Variants in PTPRO observed in about 807,000 individuals in gnomAD.
PTPRO encodes the protein protein tyrosine phosphatase receptor type O.
Under a neutral mutation model 145.2 loss-of-function variants are expected in PTPRO, and 62 were observed. That is an observed-to-expected ratio of 0.43 (90% CI 0.35 to 0.53). The LOEUF (loss-of-function observed/expected upper bound fraction) is 0.53. Among genes scored for constraint, PTPRO ranks in the 20% least tolerant of loss-of-function variants. The probability of loss-of-function intolerance (pLI) is 0.01; values close to 1 mark genes in which losing one functional copy is unlikely to be tolerated. For missense variants in PTPRO, 1,345 were observed against 1,482.7 expected, an observed-to-expected ratio of 0.91 and a Z score of 1.53; for synonymous variants, 565 against 514.7, an observed-to-expected ratio of 1.10 and a Z score of -1.32.
rs1437351429 is a variant in PTPRO, at chr12:15,597,650, C to G, written c.*1577C>G. ...ACCTTGGCAGAGTTTCTTGCAAGAT[C>G]TGGCCAGTGAGTCTCAGTTTCACCT... On this transcript the variant is annotated 3_prime_UTR_variant, in exon 27 of 27. Transcript: ENST00000281171. Among the ~76,000 whole-genome samples, 2 of 152,182 alleles carry G rather than the reference C, an allele frequency of 1.3e-5. No homozygotes were observed. The highest frequency in any genetic ancestry group is 2.9e-5 in the Non-Finnish European group (2 of 68,026).
In PTPRO at chr12:15,337,749, C is replaced by T. The variant is rs539013126; in HGVS notation, c.75+14948C>T. On this transcript the variant is annotated intron_variant, in intron 1 of 26. Coordinates refer to ENST00000281171, the MANE Select transcript of PTPRO (RefSeq NM_030667.3). ...TTATTCAGCAATGAAAAGGAATGAA[C>T]CATTGATACACATAGCCACTTAAAT... Among the ~76,000 whole-genome samples the T allele has an allele frequency of 9.2e-5, 14 of 152,220 alleles. No individual in the cohort carries two copies. The East Asian group carries it at 2.5e-3, about 27-fold the overall frequency.
chr12:15,389,223 C>T (rs1939120244), intron 1 of PTPRO, among the ~76,000 whole-genome samples: 1 of 151,858 alleles, frequency 6.6e-6, no homozygotes, highest in African/African-American at 2.4e-5. Flanking sequence ...CCTGCCTCAG[C>T]CTCCCGAGTA....
intron 17 of PTPRO, among the ~76,000 whole-genome samples, chr12:15,562,151 C>T (rs1860150779): frequency 6.6e-6 from 1 of 152,114 alleles, no homozygotes; most frequent in South Asian, 2.1e-4. Context: ...CTAGTAAAAA[C>T]ATACTGGATA....
chr12:15,579,721 C>G (rs1591763166), intron 20 of PTPRO, among the ~76,000 whole-genome samples: 1 of 152,224 alleles, frequency 6.6e-6, no homozygotes, highest in East Asian at 1.9e-4. Context: ...TGTGCTTAGG[C>G]TATATACTAT....
chr12:15,467,264 C>T (rs1294118721), intron 1 of PTPRO, among the ~76,000 whole-genome samples: 1 of 152,050 alleles, frequency 6.6e-6, no homozygotes, highest in African/African-American at 2.4e-5. Context: ...TCCGTGTATC[C>T]CATCACCTAC....
chr12:15,360,194 A>T (rs1938130854), intron 1 of PTPRO, among the ~76,000 whole-genome samples: 1 of 152,166 alleles, frequency 6.6e-6, no homozygotes, highest in Non-Finnish European at 1.5e-5. Context: ...TTGCATTTTT[A>T]CATTAAAATA....
At position 15,526,194 on chromosome 12, in the gene PTPRO, A is replaced by G; in HGVS notation, c.2096A>G (p.Tyr699Cys). The change falls in exon 12 of 27, where the codon TAT becomes TGT. Residue 699 changes from tyrosine to cysteine, a missense_variant. Physicochemically the swap from Tyr to Cys is radical, Grantham distance 194. Coordinates refer to ENST00000281171, the MANE Select transcript of PTPRO (RefSeq NM_030667.3). ...AILSLPPGDI[Y>C]NLSVTACTER... ...CTCAGCTTGCCTCCAGGCGACATCT[A>G]TAACCTCTCAGTAACTGCTTGTACT... 2 of 1,613,970 alleles carry G rather than the reference A, an allele frequency of 1.2e-6. No individual in the cohort carries two copies. Among genetic ancestry groups the G allele is most frequent in the Non-Finnish European group, 1.7e-6 (2 of 1,179,892 alleles).
At chr12:15,594,497 C>CCACA (rs779321956) in intron 25 of PTPRO, among the ~76,000 whole-genome samples, 1 of 148,888 alleles carries the variant, frequency 6.7e-6, no homozygotes, top group African/African-American at 2.5e-5. Context: ...AGTGTTCTCA[C>CCACA]CACACACACA....
At chr12:15,556,430 A>G (rs1055554804) in intron 15 of PTPRO, among the ~76,000 whole-genome samples, 33 of 152,126 alleles carry the variant, frequency 2.2e-4, no homozygotes, top group African/African-American at 7.7e-4. Context: ...ATGAGCCCCA[A>G]TGAGCTGTTA....
intron 1 of PTPRO, among the ~76,000 whole-genome samples, chr12:15,428,144 A>G (rs1940333997): frequency 1.3e-5 from 2 of 152,138 alleles, no homozygotes; most frequent in Admixed American, 6.6e-5. Context: ...TGATTGCAAA[A>G]GCAAGTGCTC....
Position 15,537,107 on chromosome 12 carries a change from A to C in PTPRO, c.2165-9462A>C, listed in dbSNP as rs187248931. Among the ~76,000 whole-genome samples, 7 of 152,198 alleles carry C rather than the reference A, an allele frequency of 4.6e-5. No individual in the cohort carries two copies. In the East Asian group the frequency reaches 1.2e-3, roughly 25 times the overall value. ...TTATTAACTTGGAAAAGATTATGGGACAGGCTGGTTTGGGGCAATGTCAGA... is the reference window on the plus strand; with the variant it reads ...TTATTAACTTGGAAAAGATTATGGGCCAGGCTGGTTTGGGGCAATGTCAGA... On this transcript the variant is annotated intron_variant, in intron 12 of 26. Coordinates refer to ENST00000281171, the MANE Select transcript of PTPRO (RefSeq NM_030667.3).
intron 24 of PTPRO, 84 bp from the exon 25 acceptor site, chr12:15,589,371 A>G (rs1944496293): frequency 2.6e-6 from 4 of 1,536,030 alleles, no homozygotes; most frequent in Non-Finnish European, 2.6e-6. Flanking sequence ...GCAAGACTCC[A>G]TCTCAAAGAA....
chr12:15,560,361 A>T, intron 17 of PTPRO, 85 bp downstream of exon 17: 1 of 1,057,492 alleles, frequency 9.5e-7, no homozygotes, highest in East Asian at 2.4e-5. Flanking sequence ...TTTCTTTTTA[A>T]CTATTTTGTA....
chr12:15,478,639 G>C (rs1941710401), intron 1 of PTPRO, among the ~76,000 whole-genome samples: 1 of 152,094 alleles, frequency 6.6e-6, no homozygotes. Context: ...CACAACCACA[G>C]GCAAAAGGAG....
At chr12:15,561,908 C>T (rs1943782997) in intron 17 of PTPRO, among the ~76,000 whole-genome samples, 1 of 152,024 alleles carries the variant, frequency 6.6e-6, no homozygotes, top group Admixed American at 6.6e-5. Flanking sequence ...GCATGTATTC[C>T]TTAATAGGCC....
intron 1 of PTPRO, among the ~76,000 whole-genome samples, chr12:15,435,846 T>C (rs1940580860): frequency 6.6e-6 from 1 of 152,210 alleles, no homozygotes; most frequent in South Asian, 2.1e-4. Context: ...AAAACATTTC[T>C]TTCAACATGT....
intron 2 of PTPRO, among the ~76,000 whole-genome samples, chr12:15,491,867 G>A (rs968210120): frequency 7.2e-5 from 11 of 152,140 alleles, no homozygotes; most frequent in Non-Finnish European, 1.5e-4. Context: ...ATAGTCAGAA[G>A]GACTGAAATG....
At chr12:15,546,730 C>T (rs779234320) in intron 13 of PTPRO, 22 bp downstream of exon 13, 134 of 1,613,408 alleles carry the variant, frequency 8.3e-5, no homozygotes, top group Non-Finnish European at 7.2e-5. Context: ...TTTGATCTAC[C>T]TTTTCTCAGT....
At chr12:15,390,972 A>G (rs55851576) in intron 1 of PTPRO, among the ~76,000 whole-genome samples, 28,293 of 152,166 alleles carry the variant, frequency 0.19, 2,742 homozygotes, top group South Asian at 0.22. Context: ...TCTTCTTGCT[A>G]TATACTCACA....
Sources: gnomAD v4.1 joint callset for allele counts (sites outside exome capture counted in the v4.1 genomes callset) on GRCh38, gnomAD v4.1.1 for gene constraint, MANE v1.5 for transcripts, NCBI Gene and HGNC (gene_info 2026-07-23, HGNC 2026-07-21) for gene names.